Variants in TSC22D1 observed in about 807,000 individuals in gnomAD.
TSC22D1 encodes the protein TSC22 domain family protein 1.
A neutral mutation model predicts 74.2 loss-of-function variants in TSC22D1; 9 were observed. That is an observed-to-expected ratio of 0.12 (90% CI 0.07 to 0.21). TSC22D1 has a LOEUF of 0.21. Among genes scored for constraint, TSC22D1 ranks in the 10% least tolerant of loss-of-function variants. The pLI, the probability that TSC22D1 is intolerant of heterozygous loss-of-function variation, is 1.00. For missense variants in TSC22D1, 1,427 were observed against 1,304.7 expected (o/e 1.09, Z -1.44); for synonymous variants, 586 against 492.5 (o/e 1.19, Z -2.51).
In TSC22D1 at chr13:44,452,404, G is replaced by A. The variant is rs774357441; in HGVS notation, c.2913-16309C>T. Among the ~76,000 whole-genome samples the A allele has an allele frequency of 3.3e-5, 5 of 152,236 alleles. No individual in the cohort carries two copies. The South Asian group carries it at 8.3e-4, about 25-fold the overall frequency. On this transcript the variant is annotated intron_variant, in intron 1 of 2. Coordinates refer to ENST00000458659, the MANE Select transcript of TSC22D1 (RefSeq NM_183422.4). ...GAAGTTTATGGCCTCCTCTGTGCCC[G>A]CCCACCTGCCTAATGTGTGGATGAC...
chr13:44,452,206 A>T (rs1306316788), intron 1 of TSC22D1, among the ~76,000 whole-genome samples: 1 of 152,182 alleles, frequency 6.6e-6, no homozygotes, highest in Non-Finnish European at 1.5e-5. Flanking sequence ...CATGGAACTA[A>T]ATAAAGTGAG....
At chr13:44,452,200 GA>G (rs1555264319) in intron 1 of TSC22D1, among the ~76,000 whole-genome samples, 1 of 152,142 alleles carries the variant, frequency 6.6e-6, no homozygotes, top group Non-Finnish European at 1.5e-5. Context: ...ACAAGTCATG[GA>G]ACTAAATAAA....
At chr13:44,503,077 A>G (rs1212433526) in intron 1 of TSC22D1, among the ~76,000 whole-genome samples, 1 of 152,244 alleles carries the variant, frequency 6.6e-6, no homozygotes, top group East Asian at 1.9e-4. Context: ...AGGTGTGACT[A>G]GCTTACATGA....
intron 1 of TSC22D1, among the ~76,000 whole-genome samples, chr13:44,475,500 A>G (rs1414197955): frequency 6.6e-6 from 1 of 151,846 alleles, no homozygotes; most frequent in Non-Finnish European, 1.5e-5. Flanking sequence ...GGAGATAAAG[A>G]CAACAGCAAA....
chr13:44,442,367 T>C (rs535468463), intron 1 of TSC22D1, among the ~76,000 whole-genome samples: 1 of 152,302 alleles, frequency 6.6e-6, no homozygotes, highest in East Asian at 1.9e-4. Context: ...AGATGATTTA[T>C]AGACAGGAAC....
intron 1 of TSC22D1, among the ~76,000 whole-genome samples, chr13:44,469,079 G>A (rs183832306): frequency 4.6e-5 from 7 of 152,186 alleles, no homozygotes; most frequent in Admixed American, 4.6e-4. Context: ...CTGGATCCAA[G>A]CAAATGCACC....
chr13:44,519,956 G>GGTGAC (rs1880231520), intron 1 of TSC22D1, among the ~76,000 whole-genome samples: 1 of 152,080 alleles, frequency 6.6e-6, no homozygotes, highest in South Asian at 2.1e-4. Flanking sequence ...AACACATGTG[G>GGTGAC]GTGACAGTCA....
At chr13:44,490,255 A>C (rs1194996739) in intron 1 of TSC22D1, among the ~76,000 whole-genome samples, 2 of 152,186 alleles carry the variant, frequency 1.3e-5, no homozygotes, top group Admixed American at 6.5e-5. Context: ...CATTTATATA[A>C]ATTTCAAAAT....
chr13:44,449,733 T>C (rs1295276550), intron 1 of TSC22D1, among the ~76,000 whole-genome samples: 1 of 152,016 alleles, frequency 6.6e-6, no homozygotes, highest in Non-Finnish European at 1.5e-5. Context: ...AAATAAAAAT[T>C]TACAATGAGA....
intron 1 of TSC22D1, among the ~76,000 whole-genome samples, chr13:44,533,404 G>T (rs1405519882): frequency 2.0e-5 from 3 of 151,202 alleles, no homozygotes; most frequent in African/African-American, 7.3e-5. Flanking sequence ...ATGTTGCAGT[G>T]AGCTGAGATC....
chr13:44,540,621 T>C (rs982143795), intron 1 of TSC22D1, among the ~76,000 whole-genome samples: 2 of 152,176 alleles, frequency 1.3e-5, no homozygotes, highest in Non-Finnish European at 2.9e-5. Context: ...ATCATTTTCT[T>C]TTGGGTCAAG....
At chr13:44,442,630 A>AATTT (rs1755630592) in intron 1 of TSC22D1, among the ~76,000 whole-genome samples, 1 of 152,204 alleles carries the variant, frequency 6.6e-6, no homozygotes, top group South Asian at 2.1e-4. Flanking sequence ...TAAAAAGAAC[A>AATTT]AATCGGCCAG....
At chr13:44,470,461 T>C (rs1216333806) in intron 1 of TSC22D1, among the ~76,000 whole-genome samples, 1 of 152,152 alleles carries the variant, frequency 6.6e-6, no homozygotes, top group African/African-American at 2.4e-5. Flanking sequence ...ATTATCTCAT[T>C]CATACAAATG....
intron 1 of TSC22D1, among the ~76,000 whole-genome samples, chr13:44,513,294 C>A (rs1879825459): frequency 6.6e-6 from 1 of 152,218 alleles, no homozygotes; most frequent in Non-Finnish European, 1.5e-5. Context: ...TCATTAAAAT[C>A]ACTTATATGT....
At chr13:44,517,780 C>CATAT (rs1205399224) in intron 1 of TSC22D1, among the ~76,000 whole-genome samples, 3 of 110,576 alleles carry the variant, frequency 2.7e-5, no homozygotes, top group South Asian at 2.9e-4. Context: ...TATATATACA[C>CATAT]ATATATATAC....
intron 1 of TSC22D1, among the ~76,000 whole-genome samples, chr13:44,571,352 T>G (rs1022665580): frequency 1.3e-5 from 2 of 152,198 alleles, no homozygotes; most frequent in African/African-American, 4.8e-5. Context: ...TGGGACCCTA[T>G]TCCTATAGTT....
chr13:44,551,389 G>GGTGGGTGTGTGGGT (rs1298469090), intron 1 of TSC22D1, among the ~76,000 whole-genome samples: 3,636 of 125,280 alleles, frequency 0.029, 103 homozygotes, highest in Non-Finnish European at 0.044. Flanking sequence ...CAATCAGATG[G>GGTGGGTGTGTGGGT]GTGTGTGTGT....
intron 1 of TSC22D1, among the ~76,000 whole-genome samples, chr13:44,518,891 T>G (rs1036811985): frequency 1.3e-5 from 2 of 152,182 alleles, no homozygotes; most frequent in Admixed American, 1.3e-4. Context: ...CTGAGAGTTC[T>G]GAAAGTGGTC....
intron 1 of TSC22D1, among the ~76,000 whole-genome samples, chr13:44,520,089 T>A (rs1314875266): frequency 6.6e-6 from 1 of 152,200 alleles, no homozygotes; most frequent in African/African-American, 2.4e-5. Context: ...TCTATGAAGT[T>A]GATCAGTGTT....
Sources: allele counts gnomAD v4.1 joint callset (sites outside exome capture counted in the v4.1 genomes callset), GRCh38; gene constraint gnomAD v4.1.1; transcripts MANE v1.5; gene names NCBI Gene and HGNC (gene_info 2026-07-23, HGNC 2026-07-21).